The following BOD1 variants were observed in gnomAD, a reference collection of about 807,000 sequenced individuals.
BOD1 encodes the protein biorientation of chromosomes in cell division protein 1.
BOD1 carries 11 observed loss-of-function variants against 15.7 expected under a neutral mutation model. That is an observed-to-expected ratio of 0.70 (90% CI 0.44 to 1.16). The LOEUF is 1.16. Among genes scored for constraint, BOD1 ranks in the 50% most tolerant of loss-of-function variants. The probability of loss-of-function intolerance (pLI) is 0.00; values close to 1 mark genes in which losing one functional copy is unlikely to be tolerated. For missense variants in BOD1, 182 were observed against 244.5 expected (o/e 0.74, Z 1.70); for synonymous variants, 105 against 103.5 (o/e 1.01, Z -0.09).
At chr5:173,609,784 T>C (rs888482420) in intron 2 of BOD1, 3 of 216,070 alleles carry the variant, frequency 1.4e-5, no homozygotes, top group Non-Finnish European at 2.8e-5. Context: ...TTCCTCGTAC[T>C]GTCAAAGCCA....
chr5:173,610,540 T>G (rs186727088), intron 2 of BOD1, among the ~76,000 whole-genome samples: 48 of 152,274 alleles, frequency 3.2e-4, no homozygotes, highest in African/African-American at 1.1e-3. Context: ...CATTTTCAGG[T>G]AGACCAGGCA....
In BOD1 at chr5:173,609,403, T is replaced by C; in HGVS notation, c.394A>G (p.Ile132Val). ...SGMLEAGVDR[I>V]ISQVVDPKLN... is the part of the protein sequence containing the mutation. Reference sequence around the variant, plus strand: ...TTTGGATCCACCACCTGAGAAATAATCCTGTCTACTCCAGCTTCCAACATC... The same window carrying C: ...TTTGGATCCACCACCTGAGAAATAACCCTGTCTACTCCAGCTTCCAACATC... Residue 132 changes from isoleucine to valine, a missense_variant, in exon 3 of 4, where the codon ATT (isoleucine) becomes GTT (valine). Physicochemically the swap from Ile to Val is conservative, Grantham distance 29 (BLOSUM62 3). Around this residue, in one of 3 missense-constraint regions of BOD1, gnomAD observed 70 missense variants for 130.3 expected, o/e 0.54. Transcript: ENST00000311086. 1 of 1,614,214 alleles carries C rather than the reference T, an allele frequency of 6.2e-7. No individual in the cohort carries two copies. Among genetic ancestry groups the C allele is most frequent in the East Asian group, 2.2e-5 (1 of 44,886 alleles).
At chr5:173,608,329 A>G in intron 3 of BOD1, 37 bp from the exon 4 acceptor site, 1 of 1,254,374 alleles carries the variant, frequency 8.0e-7, no homozygotes, top group Non-Finnish European at 1.1e-6. Flanking sequence ...AATGTTATTT[A>G]TTGATAACAG....
At position 173,608,198 on chromosome 5, in the gene BOD1, C is replaced by A; in HGVS notation, c.*96G>T. On this transcript the variant is annotated 3_prime_UTR_variant, in exon 4 of 4. Coordinates refer to ENST00000311086, the MANE Select transcript of BOD1 (RefSeq NM_138369.3). ...AAGGTTGAAATCTTGAGATCAGTGA[C>A]GACCTTGGCCTATCTTCAGTCTGAA... 2 of 1,431,492 alleles carry A rather than the reference C, an allele frequency of 1.4e-6. No individual in the cohort carries two copies. Among genetic ancestry groups the A allele is most frequent in the Non-Finnish European group, 2.0e-6 (2 of 1,014,836 alleles). The allele number at this position is 1,431,492 out of a possible 1,614,324, so 88.7% of individuals were successfully genotyped here.
Position 173,616,077 on chromosome 5 carries a change from A to T in BOD1, c.237+123T>A, listed in dbSNP as rs995320671. The stretch of plus-strand genomic sequence containing the variant: ...TCTCCGTACTGCCCCAAGCGGTGTA[A>T]GACCTCACCGCTGAGATTTCTAAGC... On this transcript the variant is annotated intron_variant, in intron 1 of 3. Coordinates refer to ENST00000311086, the MANE Select transcript of BOD1 (RefSeq NM_138369.3). 67 of 1,268,952 alleles carry T rather than the reference A, an allele frequency of 5.3e-5. No homozygotes were observed. The African/African-American group carries it at 9.9e-4, about 19-fold the overall frequency. The allele number at this position is 1,268,952 out of a possible 1,614,324, so 78.6% of individuals were successfully genotyped here. A position where few individuals can be genotyped will look rare whatever the true frequency, so the allele number is the denominator to read the frequency against.
Position 173,608,215 on chromosome 5 carries a change from C to A in BOD1, c.*79G>T. 1 of 1,556,714 alleles carries A rather than the reference C, an allele frequency of 6.4e-7. No homozygotes were observed. The highest frequency in any genetic ancestry group is 8.9e-7 in the Non-Finnish European group (1 of 1,127,882). ...ATCAGTGACGACCTTGGCCTATCTT[C>A]AGTCTGAAGTTGCACTCTTATGTAA... On this transcript the variant is annotated 3_prime_UTR_variant, in exon 4 of 4. Transcript: ENST00000311086.
At chr5:173,609,632 GTTA>G (rs1247027533) in intron 2 of BOD1, 198 bp from the exon 3 acceptor site, 7 of 567,816 alleles carry the variant, frequency 1.2e-5, no homozygotes, top group Non-Finnish European at 2.2e-5. Flanking sequence ...ACCAGCAGCT[GTTA>G]TTCCTACTGC....
chr5:173,611,604 C>T (rs1755355804), intron 2 of BOD1, among the ~76,000 whole-genome samples: 1 of 151,934 alleles, frequency 6.6e-6, no homozygotes, highest in South Asian at 2.1e-4. Flanking sequence ...GTATAAAAGT[C>T]AGGAATATGG....
chr5:173,608,332 G>T, intron 3 of BOD1, 40 bp from the exon 4 acceptor site: 2 of 1,246,948 alleles, frequency 1.6e-6, no homozygotes, highest in African/African-American at 1.9e-5. Flanking sequence ...GTTATTTATT[G>T]ATAACAGACT....
In BOD1 at chr5:173,607,831, CTG is replaced by C. The variant is rs1337698175; in HGVS notation, c.*461_*462del. ...ACTTGTACAATCTGGTTTGCAAACTCTGAGAGACAGTATCAAATAAGCACTGT... is the reference window on the plus strand; with the variant it reads ...ACTTGTACAATCTGGTTTGCAAACTCAGAGACAGTATCAAATAAGCACTGT... On this transcript the variant is annotated 3_prime_UTR_variant, in exon 4 of 4. Coordinates refer to ENST00000311086, the MANE Select transcript of BOD1 (RefSeq NM_138369.3). The C allele has an allele frequency of 6.2e-6, 1 of 161,478 alleles. No homozygotes were observed. Among genetic ancestry groups the C allele is most frequent in the African/African-American group, 2.4e-5 (1 of 41,778 alleles). 10.0% of individuals were successfully genotyped at this position (161,478 alleles called of 1,614,324 possible). A position where few individuals can be genotyped will look rare whatever the true frequency, so the allele number is the denominator to read the frequency against.
chr5:173,612,550 G>A (rs1463925908), intron 2 of BOD1, among the ~76,000 whole-genome samples: 1 of 152,148 alleles, frequency 6.6e-6, no homozygotes, highest in African/African-American at 2.4e-5. Flanking sequence ...AATCACTAAT[G>A]TGTTCTCCCA....
chr5:173,607,644 G>C lies in BOD1; in HGVS notation c.*650C>G, dbSNP rs1561723161. 1 of 152,330 alleles carries C rather than the reference G, an allele frequency of 6.6e-6. No individual in the cohort carries two copies. Among genetic ancestry groups the C allele is most frequent in the Non-Finnish European group, 1.5e-5 (1 of 68,074 alleles). The allele number at this position is 152,330 out of a possible 1,614,324, so 9.4% of individuals were successfully genotyped here. ...AGACTCACTGGCCCCTCCAGGACAGGAAGCAGCCCTGGACAGAGAGCCTGC... is the reference window on the plus strand; with the variant it reads ...AGACTCACTGGCCCCTCCAGGACAGCAAGCAGCCCTGGACAGAGAGCCTGC... On this transcript the variant is annotated 3_prime_UTR_variant, in exon 4 of 4. Coordinates refer to ENST00000311086, the MANE Select transcript of BOD1 (RefSeq NM_138369.3).
rs1581248059 is a variant in BOD1, at chr5:173,616,597, G to A, written c.-161C>T. The A allele has an allele frequency of 3.0e-6, 4 of 1,353,208 alleles. No individual in the cohort carries two copies. The highest frequency in any genetic ancestry group is 1.8e-5 in the South Asian group (1 of 56,490). The allele number at this position is 1,353,208 out of a possible 1,614,324, so 83.8% of individuals were successfully genotyped here. A position where few individuals can be genotyped will look rare whatever the true frequency, so the allele number is the denominator to read the frequency against. On this transcript the variant is annotated 5_prime_UTR_variant, in exon 1 of 4. Transcript: ENST00000311086. Reference sequence around the variant, plus strand: ...CGGCAGGGGCGGTGGTGGGGGCGGCGGCGGCGAAGGCCCCCTCTGATACAG... The same window carrying A: ...CGGCAGGGGCGGTGGTGGGGGCGGCAGCGGCGAAGGCCCCCTCTGATACAG...
At chr5:173,614,327 G>T (rs111795163) in intron 1 of BOD1, among the ~76,000 whole-genome samples, 9 of 152,212 alleles carry the variant, frequency 5.9e-5, no homozygotes, top group Admixed American at 5.2e-4. Context: ...ACTGTTTACC[G>T]AAAAAGGACA....
chr5:173,611,312 T>G (rs1259912343), intron 2 of BOD1, among the ~76,000 whole-genome samples: 2 of 152,228 alleles, frequency 1.3e-5, no homozygotes, highest in Admixed American at 6.5e-5. Context: ...TTACAGCATC[T>G]GGGCCAGAAC....
chr5:173,613,757 T>A (rs1293132671), intron 1 of BOD1, among the ~76,000 whole-genome samples: 2 of 152,168 alleles, frequency 1.3e-5, no homozygotes, highest in Non-Finnish European at 2.9e-5. Flanking sequence ...ACTGGCCTCT[T>A]CCAAAAGGTT....
At chr5:173,610,834 T>G (rs1159588503) in intron 2 of BOD1, among the ~76,000 whole-genome samples, 1 of 152,178 alleles carries the variant, frequency 6.6e-6, no homozygotes. Context: ...GATCGGGTCA[T>G]GGGGGCAGAG....
chr5:173,615,745 A>G lies in BOD1; in HGVS notation c.237+455T>C, dbSNP rs1367497599. On this transcript the variant is annotated intron_variant, in intron 1 of 3. Transcript: ENST00000311086. ...ATTCAACGCCGTACTAGTCTGCAAA[A>G]CAATGAGCTAGAGAAAAGGAATAAA... Among the ~76,000 whole-genome samples the G allele has an allele frequency of 2.0e-5, 3 of 152,228 alleles. No individual in the cohort carries two copies. The East Asian group carries it at 5.8e-4, about 29-fold the overall frequency.
intron 2 of BOD1, 178 bp from the exon 3 acceptor site, chr5:173,609,612 G>C (rs1163632073): frequency 1.7e-6 from 1 of 595,272 alleles, no homozygotes; most frequent in East Asian, 2.8e-5. Context: ...CTTTTGAGGG[G>C]TAATTCTCAA....
Sources: allele counts gnomAD v4.1 joint callset (sites outside exome capture counted in the v4.1 genomes callset), GRCh38; gene constraint gnomAD v4.1.1; regional missense constraint gnomAD v4.1.1; transcripts MANE v1.5; gene names NCBI Gene and HGNC (gene_info 2026-07-23, HGNC 2026-07-21).